PAPPA: variants seen among roughly 807,000 people sequenced by gnomAD.
PAPPA encodes pappalysin 1.
Under a neutral mutation model 164.0 loss-of-function variants are expected in PAPPA, and 60 were observed. That is an observed-to-expected ratio of 0.37 (90% confidence interval 0.30 to 0.45). The LOEUF (loss-of-function observed/expected upper bound fraction) is 0.45, where lower values mean the gene tolerates loss of function less well. Ranked by LOEUF, PAPPA falls within the 20% of genes least tolerant of loss-of-function variation. The pLI is 1.00. For synonymous variants in PAPPA, 875 were observed against 814.1 expected (o/e 1.07, Z -1.27); for missense variants, 1,782 against 2,087.3 (o/e 0.85, Z 2.85).
chr9:116,342,853 CT>C (rs1846156307), intron 13 of PAPPA, among the ~76,000 whole-genome samples: 1 of 152,056 alleles, frequency 6.6e-6, no homozygotes, highest in Admixed American at 6.6e-5. Context: ...AAACTGCCCC[CT>C]AGAAGCTTTT....
At chr9:116,371,368 G>A (rs1205041658) in intron 19 of PAPPA, among the ~76,000 whole-genome samples, 2 of 152,170 alleles carry the variant, frequency 1.3e-5, no homozygotes, top group African/African-American at 4.8e-5. Context: ...AGTGAGCTGA[G>A]ATTGTGCCAC....
At chr9:116,369,772 GCTGC>G (rs1846549239) in intron 19 of PAPPA, among the ~76,000 whole-genome samples, 1 of 98,166 alleles carries the variant, frequency 1.0e-5, no homozygotes, top group Admixed American at 1.3e-4. Context: ...TTGCCCACCC[GCTGC>G]CTGCCTGCCC....
In PAPPA at chr9:116,163,463, C is replaced by T. The variant is rs1210438835; in HGVS notation, c.415+8876C>T. ...GAGCTAGGAGATGTCAGTTCTAGCA[C>T]TAGTTTGCTGTGTGACTTTAGGCAA... is the stretch of plus-strand genomic sequence containing the variant. On this transcript the variant is annotated intron_variant, in intron 1 of 21. Transcript: ENST00000328252. Among the ~76,000 whole-genome samples the T allele has an allele frequency of 3.3e-5, 5 of 152,126 alleles. No individual in the cohort carries two copies. In the East Asian group the frequency reaches 9.7e-4, roughly 29 times the overall value.
intron 4 of PAPPA, among the ~76,000 whole-genome samples, chr9:116,217,324 A>G: frequency 6.6e-6 from 1 of 152,138 alleles, no homozygotes; most frequent in East Asian, 1.9e-4. Context: ...AATGCCCCCA[A>G]TTTATGCACG....
At chr9:116,183,235 G>C (rs1342975164) in intron 1 of PAPPA, among the ~76,000 whole-genome samples, 1 of 152,142 alleles carries the variant, frequency 6.6e-6, no homozygotes, top group East Asian at 1.9e-4. Flanking sequence ...ATCCTCAGAG[G>C]AGACAGAACC....
At chr9:116,266,853 A>G (rs1190849992) in intron 8 of PAPPA, among the ~76,000 whole-genome samples, 2 of 152,258 alleles carry the variant, frequency 1.3e-5, no homozygotes, top group African/African-American at 2.4e-5. Context: ...TATTGCTAAA[A>G]TTATGTTCCT....
rs117850096 is a variant in PAPPA at position 116,336,466 on chromosome 9, A to C, written c.3611+1392A>C. On this transcript the variant is annotated intron_variant, in intron 13 of 21. Transcript: ENST00000328252. ...CACAAGCCCTTGTTCTCCAGACCCT[A>C]TAAAAATAAGTTAATTCTCAGAGCC... 8.2e-3 allele frequency among the ~76,000 whole-genome samples: 1,254 copies of C among 152,278 alleles called. 10 individuals are homozygous for C. The highest frequency in any genetic ancestry group is 0.031 in the East Asian group (159 of 5,178).
intron 4 of PAPPA, among the ~76,000 whole-genome samples, chr9:116,214,643 A>G (rs922505498): frequency 6.6e-6 from 1 of 152,158 alleles, no homozygotes; most frequent in African/African-American, 2.4e-5. Flanking sequence ...GAGTATAGTT[A>G]TGTTGAACTC....
chr9:116,220,278 T>G, intron 5 of PAPPA, 149 bp downstream of exon 5: 1 of 516,036 alleles, frequency 1.9e-6, no homozygotes, highest in Non-Finnish European at 3.4e-6. Flanking sequence ...TGTTGTAAAT[T>G]TGGGATCAGG....
chr9:116,154,307 C>A lies in PAPPA; in HGVS notation c.135C>A (p.Ala45=). Residue 45 remains alanine, a synonymous_variant, in exon 1 of 22, where the codon GCC becomes GCA. Coordinates refer to ENST00000328252, the MANE Select transcript of PAPPA (RefSeq NM_002581.5). This position sits in a 1 kb window ranked among gnomAD's most constrained non-coding sequence, Gnocchi z 5.2. ...GRPPRPAAGP[A]TCATRAARGR... ...CCCCGCGCCCCGCCGCCGGCCCGGC[C>A]ACCTGCGCCACCCGGGCGGCCCGCG... is the stretch of plus-strand genomic sequence containing the variant. The A allele has an allele frequency of 5.5e-6, 5 of 909,524 alleles. No homozygotes were observed. Among genetic ancestry groups the A allele is most frequent in the Non-Finnish European group, 6.5e-6 (5 of 763,748 alleles). 56.3% of individuals were successfully genotyped at this position (909,524 alleles called of 1,614,324 possible). A position where few individuals can be genotyped will look rare whatever the true frequency, so the allele number is the denominator to read the frequency against.
intron 9 of PAPPA, among the ~76,000 whole-genome samples, chr9:116,276,675 C>G (rs563434964): frequency 6.6e-6 from 1 of 152,184 alleles, no homozygotes; most frequent in Non-Finnish European, 1.5e-5. Context: ...CTTTCCCAGA[C>G]GTGGAGGCAT....
chr9:116,344,521 C>T, intron 13 of PAPPA, 22 bp from the exon 14 acceptor site: 1 of 1,602,260 alleles, frequency 6.2e-7, no homozygotes, highest in South Asian at 1.1e-5. Flanking sequence ...CTCCTTCTTC[C>T]CCTCGTTTCT....
At chr9:116,216,236 T>C (rs909298163) in intron 4 of PAPPA, among the ~76,000 whole-genome samples, 8 of 152,218 alleles carry the variant, frequency 5.3e-5, no homozygotes, top group Non-Finnish European at 1.2e-4. Flanking sequence ...ATCAGCTTTA[T>C]GAGACAGCTA....
At position 116,387,203 on chromosome 9, in the gene PAPPA, C is replaced by T. The variant is rs538375721; in HGVS notation, c.4776+4710C>T. On this transcript the variant is annotated intron_variant, in intron 21 of 21. Coordinates refer to ENST00000328252, the MANE Select transcript of PAPPA (RefSeq NM_002581.5). ...TGTGCATGTCATCTCACTTAAACTC[C>T]AGAATAATTCAGCCAAGTAGAGCAC... Among the ~76,000 whole-genome samples, 16 of 152,244 alleles carry T rather than the reference C, an allele frequency of 1.1e-4. No homozygotes were observed. The East Asian group carries it at 2.9e-3, about 28-fold the overall frequency.
chr9:116,250,043 GT>G (rs1435620209), intron 7 of PAPPA, among the ~76,000 whole-genome samples: 1,771 of 149,966 alleles, frequency 0.012, 43 homozygotes, highest in African/African-American at 0.043. Context: ...GTGTGTGTGT[GT>G]GTGTGTGTTT....
intron 5 of PAPPA, among the ~76,000 whole-genome samples, chr9:116,220,586 C>T (rs1844432126): frequency 6.6e-6 from 1 of 150,982 alleles, no homozygotes. Context: ...TACATATTTA[C>T]ATATAAGAAT....
chr9:116,242,398 C>G (rs1431975385), intron 7 of PAPPA, among the ~76,000 whole-genome samples: 4 of 152,178 alleles, frequency 2.6e-5, no homozygotes, highest in Non-Finnish European at 5.9e-5. Context: ...AACAAGCATA[C>G]TGCATGTCAG....
chr9:116,220,816 C>T lies in PAPPA; in HGVS notation c.2111+687C>T, dbSNP rs529481337. ...CAGGAGAATGCTTGAGCCCAGGAGG[C>T]GGAGGTTGCAGTGAGCCGAGATGGC... On this transcript the variant is annotated intron_variant, in intron 5 of 21. Transcript: ENST00000328252. 1.9e-3 allele frequency among the ~76,000 whole-genome samples: 280 copies of T among 151,230 alleles called. 3 individuals carry two copies. The highest frequency in any genetic ancestry group is 3.1e-3 in the Non-Finnish European group (209 of 67,892).
chr9:116,156,198 A>G (rs1843599769), intron 1 of PAPPA, among the ~76,000 whole-genome samples: 2 of 150,540 alleles, frequency 1.3e-5, no homozygotes, highest in South Asian at 4.2e-4. Flanking sequence ...GAGAGAGGAG[A>G]GCACAGGGTT....
Sources: allele counts gnomAD v4.1 joint callset (sites outside exome capture counted in the v4.1 genomes callset), GRCh38; gene constraint gnomAD v4.1.1; non-coding constraint Gnocchi (gnomAD v3.1); transcripts MANE v1.5; gene names NCBI Gene and HGNC (gene_info 2026-07-23, HGNC 2026-07-21).